The following UBE2H variants were observed in gnomAD, a reference collection of about 807,000 sequenced individuals.
The protein encoded by UBE2H is ubiquitin-conjugating enzyme E2 H.
Under a neutral mutation model 29.0 loss-of-function variants are expected in UBE2H, and 3 were observed. The ratio of observed to expected loss-of-function variants is 0.10; its 90% confidence interval spans 0.05 to 0.27. The LOEUF is 0.27. UBE2H is among the 10% of genes least tolerant of loss of function. The pLI, the probability that UBE2H is intolerant of heterozygous loss-of-function variation, is 1.00. For missense variants in UBE2H, 68 were observed against 228.2 expected (o/e 0.30, Z 4.52); for synonymous variants, 69 against 82.9 (o/e 0.83, Z 0.91).
chr7:129,894,434 T>G (rs1487041754), intron 1 of UBE2H, among the ~76,000 whole-genome samples: 1 of 151,718 alleles, frequency 6.6e-6, no homozygotes, highest in African/African-American at 2.4e-5. Flanking sequence ...AACAAGACCT[T>G]GTCTCTAAAT....
chr7:129,915,520 C>T (rs1218073559), intron 1 of UBE2H, among the ~76,000 whole-genome samples: 3 of 152,052 alleles, frequency 2.0e-5, no homozygotes, highest in Non-Finnish European at 4.4e-5. Flanking sequence ...GGTGACAGAG[C>T]GAGACTCTGT....
intron 5 of UBE2H, among the ~76,000 whole-genome samples, chr7:129,853,183 G>A (rs533173377): frequency 9.2e-5 from 14 of 152,284 alleles, no homozygotes; most frequent in South Asian, 4.1e-4. Context: ...GAAGGCACCT[G>A]GGCCCCCAGG....
At chr7:129,896,866 A>C (rs1230325433) in intron 1 of UBE2H, among the ~76,000 whole-genome samples, 1 of 152,196 alleles carries the variant, frequency 6.6e-6, no homozygotes, top group African/African-American at 2.4e-5. Flanking sequence ...TAAGCAGTTA[A>C]ATTTTACGAG....
chr7:129,927,313 G>T (rs938319791), intron 1 of UBE2H, among the ~76,000 whole-genome samples: 1 of 152,134 alleles, frequency 6.6e-6, no homozygotes, highest in Non-Finnish European at 1.5e-5. Flanking sequence ...AGGCAGAGGG[G>T]GGTGGATCAC....
chr7:129,903,075 G>A (rs1334003910), intron 1 of UBE2H, among the ~76,000 whole-genome samples: 1 of 152,174 alleles, frequency 6.6e-6, no homozygotes, highest in African/African-American at 2.4e-5. Context: ...TAATGCATAT[G>A]CAACCTAGTG....
chr7:129,881,064 C>G (rs1333591971), intron 1 of UBE2H, 93 bp from the exon 2 acceptor site: 6 of 1,049,240 alleles, frequency 5.7e-6, no homozygotes, highest in Non-Finnish European at 8.2e-6. Context: ...AAAGTGTTAC[C>G]AAAATTTGGC....
chr7:129,839,119 A>ACTAAC (rs1307812665), intron 6 of UBE2H, 88 bp downstream of exon 6: 6 of 1,546,468 alleles, frequency 3.9e-6, no homozygotes, highest in African/African-American at 1.4e-5. Flanking sequence ...AGTATTAGGA[A>ACTAAC]CTAAGTAATT....
At chr7:129,878,011 C>A (rs999856405) in intron 3 of UBE2H, among the ~76,000 whole-genome samples, 5 of 152,142 alleles carry the variant, frequency 3.3e-5, no homozygotes, top group African/African-American at 1.2e-4. Flanking sequence ...AATGAACTTG[C>A]ATGGACTTCT....
intron 6 of UBE2H, among the ~76,000 whole-genome samples, chr7:129,837,512 G>T (rs1210484598): frequency 6.6e-6 from 1 of 150,752 alleles, no homozygotes; most frequent in Non-Finnish European, 1.5e-5. Context: ...AAATGAAAAG[G>T]AATAAACAGC....
In UBE2H at chr7:129,880,232, C is replaced by T. The variant is rs531925370; in HGVS notation, c.131-590G>A. Among the ~76,000 whole-genome samples the T allele has an allele frequency of 5.3e-4, 81 of 152,232 alleles. 1 individual carries two copies. Among genetic ancestry groups the T allele is most frequent in the South Asian group, 3.3e-3 (16 of 4,814 alleles). The stretch of plus-strand genomic sequence containing the variant: ...AAAAAAATACCAAAAAGGACAAGTG[C>T]GGTGGGGCTCATGCCTGTAATCCCA... On this transcript the variant is annotated intron_variant, in intron 2 of 6. Transcript: ENST00000355621.
chr7:129,881,085 T>TA (rs1393454814), intron 1 of UBE2H, 114 bp from the exon 2 acceptor site: 30 of 737,052 alleles, frequency 4.1e-5, no homozygotes, highest in Non-Finnish European at 5.9e-5. Context: ...ATGACATTGA[T>TA]AAAATATACA....
chr7:129,907,631 A>G (rs1806847409), intron 1 of UBE2H, among the ~76,000 whole-genome samples: 1 of 152,226 alleles, frequency 6.6e-6, no homozygotes, highest in Non-Finnish European at 1.5e-5. Flanking sequence ...GAGGTAGATG[A>G]CGGATGCAAA....
At position 129,880,991 on chromosome 7, in the gene UBE2H, A is replaced by C; in HGVS notation, c.54-20T>G. 1.2e-6 allele frequency: 2 copies of C among 1,607,292 alleles called. No homozygotes were observed. The highest frequency in any genetic ancestry group is 1.7e-6 in the Non-Finnish European group (2 of 1,175,714). On this transcript the variant is annotated intron_variant, in intron 1 of 6. Coordinates refer to ENST00000355621, the MANE Select transcript of UBE2H (RefSeq NM_003344.4). ...TCGATGCTAAGGTGGACGGTAAAGG[A>C]AATTACACAGGCTTTACAGTATCTG...
At chr7:129,878,657 T>C (rs989713288) in intron 3 of UBE2H, among the ~76,000 whole-genome samples, 1 of 115,828 alleles carries the variant, frequency 8.6e-6, no homozygotes, top group Non-Finnish European at 1.6e-5. Flanking sequence ...CACTCCAGCC[T>C]GGGCGACAGA....
intron 3 of UBE2H, among the ~76,000 whole-genome samples, chr7:129,872,521 T>G (rs1376584138): frequency 6.6e-6 from 1 of 152,106 alleles, no homozygotes; most frequent in Non-Finnish European, 1.5e-5. Context: ...TGCAGTTCCC[T>G]TTATCACTTG....
At chr7:129,908,247 A>G (rs1393197726) in intron 1 of UBE2H, among the ~76,000 whole-genome samples, 3 of 152,356 alleles carry the variant, frequency 2.0e-5, no homozygotes, top group Middle Eastern at 6.8e-3. Context: ...ACATTTTACT[A>G]GTTTCAAGAA....
chr7:129,846,233 C>T (rs1805507979), intron 5 of UBE2H, among the ~76,000 whole-genome samples: 1 of 151,980 alleles, frequency 6.6e-6, no homozygotes, highest in Non-Finnish European at 1.5e-5. Context: ...TCAAGCTGGG[C>T]AAGGTGGTTC....
At chr7:129,903,826 A>G (rs1184711611) in intron 1 of UBE2H, among the ~76,000 whole-genome samples, 1 of 152,232 alleles carries the variant, frequency 6.6e-6, no homozygotes, top group Non-Finnish European at 1.5e-5. Context: ...GGATCCCTTG[A>G]GCCCAGGAGT....
chr7:129,936,593 C>CAAAAAAAA (rs35593803), intron 1 of UBE2H, among the ~76,000 whole-genome samples: 1 of 119,530 alleles, frequency 8.4e-6, no homozygotes, highest in Non-Finnish European at 1.7e-5. Context: ...GACTCCATCT[C>CAAAAAAAA]AAAAAAAAAA....
Sources: allele counts gnomAD v4.1 joint callset (sites outside exome capture counted in the v4.1 genomes callset), GRCh38; gene constraint gnomAD v4.1.1; transcripts MANE v1.5; gene names NCBI Gene and HGNC (gene_info 2026-07-23, HGNC 2026-07-21).